NLGN1: variants seen among roughly 807,000 people sequenced by gnomAD.
NLGN1 encodes the protein neuroligin 1, also known as neuroligin-1.
In NLGN1, 12 loss-of-function variants were observed where a neutral mutation model predicts 65.5. That is an observed-to-expected ratio of 0.18 (90% CI 0.12 to 0.30). NLGN1 has a LOEUF of 0.30. NLGN1 is among the 10% of genes least tolerant of loss of function. NLGN1 has a pLI of 1.00. For synonymous variants in NLGN1, 350 were observed against 359.5 expected (o/e 0.97, Z 0.30); for missense variants, 750 against 1,007.1 (o/e 0.74, Z 3.46).
At position 174,275,556 on chromosome 3, in the gene NLGN1, A is replaced by G. The variant is rs116500402; in HGVS notation, c.859+29A>G. The G allele has an allele frequency of 4.6e-4, 698 of 1,502,084 alleles. 2 individuals are homozygous for G. The African/African-American group carries it at 8.5e-3, about 18-fold the overall frequency. 93.0% of individuals were successfully genotyped at this position (1,502,084 alleles called of 1,614,324 possible). A position where few individuals can be genotyped will look rare whatever the true frequency, so the allele number is the denominator to read the frequency against. ...TTATGCAAGGTTGCAAATTTTGACA[A>G]TTTTGGTGTCTGCATGCCACCACCA... On this transcript the variant is annotated intron_variant, in intron 5 of 6. Coordinates refer to ENST00000457714, the Ensembl canonical transcript of NLGN1.
intron 3 of NLGN1, among the ~76,000 whole-genome samples, chr3:173,657,883 C>CT (rs976582416): frequency 6.6e-6 from 1 of 151,792 alleles, no homozygotes. Flanking sequence ...TATGACTCTC[C>CT]TTTTTTTCAT....
intron 2 of NLGN1, among the ~76,000 whole-genome samples, chr3:173,450,546 T>C (rs1721300076): frequency 6.6e-6 from 1 of 152,142 alleles, no homozygotes. Flanking sequence ...TGTCTTGGAG[T>C]TGCTCTTCTT....
chr3:173,778,801 A>G (rs1371631340), intron 3 of NLGN1, among the ~76,000 whole-genome samples: 2 of 151,822 alleles, frequency 1.3e-5, no homozygotes, highest in East Asian at 3.8e-4. Flanking sequence ...CTTCAAATAT[A>G]GAAACAAATA....
At chr3:173,690,405 T>C (rs1377373366) in intron 3 of NLGN1, among the ~76,000 whole-genome samples, 1 of 152,142 alleles carries the variant, frequency 6.6e-6, no homozygotes, top group East Asian at 1.9e-4. Flanking sequence ...ATTCCAACTA[T>C]AATGACCACA....
chr3:174,177,768 TAAG>T (rs2152742819), intron 4 of NLGN1, among the ~76,000 whole-genome samples: 1 of 152,232 alleles, frequency 6.6e-6, no homozygotes, highest in African/African-American at 2.4e-5. Context: ...ATATTCTCCT[TAAG>T]AAATATGAGT....
chr3:174,025,069 T>A (rs552965234), intron 4 of NLGN1, among the ~76,000 whole-genome samples: 1 of 152,208 alleles, frequency 6.6e-6, no homozygotes, highest in African/African-American at 2.4e-5. Context: ...ATGCCTACTA[T>A]GGGCCAAGAG....
intron 2 of NLGN1, among the ~76,000 whole-genome samples, chr3:173,581,478 C>T (rs142458853): frequency 1.8e-4 from 28 of 152,026 alleles, no homozygotes; most frequent in African/African-American, 6.3e-4. Flanking sequence ...GACTGTTTCA[C>T]AATTTCAGAG....
intron 2 of NLGN1, among the ~76,000 whole-genome samples, chr3:173,463,628 G>C (rs1346744911): frequency 6.6e-6 from 1 of 152,158 alleles, no homozygotes; most frequent in African/African-American, 2.4e-5. Context: ...AAGGCAAGCA[G>C]TTTTCAAAGT....
chr3:173,897,396 C>G (rs1736528530), intron 4 of NLGN1, among the ~76,000 whole-genome samples: 1 of 152,106 alleles, frequency 6.6e-6, no homozygotes, highest in Non-Finnish European at 1.5e-5. Flanking sequence ...ATTGCTATTG[C>G]CTTGTTTAGT....
At chr3:173,544,058 A>T (rs555433640) in intron 2 of NLGN1, among the ~76,000 whole-genome samples, 1 of 152,234 alleles carries the variant, frequency 6.6e-6, no homozygotes, top group South Asian at 2.1e-4. Context: ...TGAAGTATGG[A>T]TAGAAATGTG....
chr3:174,244,306 T>C (rs909989969), intron 4 of NLGN1, among the ~76,000 whole-genome samples: 1 of 152,172 alleles, frequency 6.6e-6, no homozygotes, highest in Admixed American at 6.5e-5. Flanking sequence ...TTGTGGGAAG[T>C]TTAAAAAGGT....
chr3:173,578,498 C>T (rs1386660759), intron 2 of NLGN1, among the ~76,000 whole-genome samples: 1 of 152,104 alleles, frequency 6.6e-6, no homozygotes, highest in Non-Finnish European at 1.5e-5. Flanking sequence ...TTTCTCTTTC[C>T]ATCTCGAACT....
chr3:173,606,144 C>G (rs753805177), intron 3 of NLGN1, among the ~76,000 whole-genome samples: 2 of 151,976 alleles, frequency 1.3e-5, no homozygotes, highest in Non-Finnish European at 2.9e-5. Flanking sequence ...TTTTCAGTCA[C>G]TTTTCCAGAG....
intron 4 of NLGN1, among the ~76,000 whole-genome samples, chr3:173,929,730 G>A (rs1319068791): frequency 1.4e-5 from 2 of 142,540 alleles, no homozygotes; most frequent in African/African-American, 5.2e-5. Flanking sequence ...TTGAGACAGA[G>A]TTTTGCTCTT....
intron 1 of NLGN1, among the ~76,000 whole-genome samples, chr3:173,434,854 G>T (rs1717819334): frequency 6.6e-6 from 1 of 152,214 alleles, no homozygotes. Flanking sequence ...CCTAAGTGTA[G>T]CACATGCTTT....
chr3:173,981,167 G>A (rs151024862), intron 4 of NLGN1, among the ~76,000 whole-genome samples: 17 of 152,154 alleles, frequency 1.1e-4, no homozygotes, highest in Middle Eastern at 3.4e-3. Context: ...CCTCATGTGG[G>A]AATAAGAATA....
At chr3:174,007,528 T>C (rs1724680553) in intron 4 of NLGN1, among the ~76,000 whole-genome samples, 1 of 152,200 alleles carries the variant, frequency 6.6e-6, no homozygotes, top group African/African-American at 2.4e-5. Context: ...TCCTCCTTTA[T>C]GGAAATATTT....
intron 4 of NLGN1, among the ~76,000 whole-genome samples, chr3:174,011,912 G>A (rs1401978358): frequency 6.6e-6 from 1 of 152,078 alleles, no homozygotes; most frequent in African/African-American, 2.4e-5. Context: ...ATGGTATAAA[G>A]GAGGTGCTCA....
chr3:174,252,477 TGA>T (rs1744964141), intron 4 of NLGN1, among the ~76,000 whole-genome samples: 3 of 152,140 alleles, frequency 2.0e-5, no homozygotes, highest in African/African-American at 7.2e-5. Flanking sequence ...GTGAGTTGTT[TGA>T]GTAAAGAAAT....
Sources: allele counts gnomAD v4.1 joint callset (sites outside exome capture counted in the v4.1 genomes callset), GRCh38; gene constraint gnomAD v4.1.1; transcripts MANE v1.5; gene names NCBI Gene and HGNC (gene_info 2026-07-23, HGNC 2026-07-21).